Variants in NELL2 observed in about 807,000 individuals in gnomAD.
The protein encoded by NELL2 is neural EGFL like 2.
NELL2 carries 41 observed loss-of-function variants against 109.6 expected under a neutral mutation model. The ratio of observed to expected loss-of-function variants is 0.37; its 90% CI spans 0.29 to 0.49. NELL2 has a LOEUF of 0.49. NELL2 is among the 20% of genes least tolerant of loss of function. The pLI is 0.98. For synonymous variants in NELL2, 355 were observed against 344.7 expected (o/e 1.03, Z -0.33); for missense variants, 900 against 1,008.3 (o/e 0.89, Z 1.45).
chr12:44,812,655 G>A (rs1270748793), intron 3 of NELL2, among the ~76,000 whole-genome samples: 1 of 152,054 alleles, frequency 6.6e-6, no homozygotes, highest in African/African-American at 2.4e-5. Context: ...ACTAAAGAAA[G>A]ATAGCTTCAG....
At chr12:44,893,315 C>T (rs1424767198) in intron 1 of NELL2, among the ~76,000 whole-genome samples, 2 of 143,722 alleles carry the variant, frequency 1.4e-5, no homozygotes, top group Admixed American at 7.5e-5. Flanking sequence ...CCAATTTTCT[C>T]TATCAGATAT....
Position 44,886,108 on chromosome 12 carries a change from G to T in NELL2, c.39-10208C>A, listed in dbSNP as rs1433301504. Among the ~76,000 whole-genome samples, 4 of 143,658 alleles carry T rather than the reference G, an allele frequency of 2.8e-5. No individual in the cohort carries two copies. In the East Asian group the frequency reaches 8.1e-4, roughly 29 times the overall value. The allele number at this position is 143,658 out of a possible 152,430, so 94.2% of individuals were successfully genotyped here. ...GTAAGGAAGGAAGGAAGGAAGGAAG[G>T]AAGGAAGGAAGGAAGGAAGGAAGGA... On this transcript the variant is annotated intron_variant, in intron 1 of 20. Transcript: ENST00000333837.
intron 2 of NELL2, among the ~76,000 whole-genome samples, chr12:44,824,713 CTT>C (rs1159134863): frequency 7.5e-6 from 1 of 132,544 alleles, no homozygotes; most frequent in Middle Eastern, 3.4e-3. Flanking sequence ...ATTTTATTTA[CTT>C]TTTTTTTTTT....
At position 44,848,456 on chromosome 12, in the gene NELL2, C is replaced by A. The variant is rs987889100; in HGVS notation, c.184+26769G>T. On this transcript the variant is annotated intron_variant, in intron 2 of 19. Transcript: ENST00000429094. ...CAACCATAGACTTGAGCTACAAGTG[C>A]CAGCAGAACACACAGCAACAGGTGG... Among the ~76,000 whole-genome samples the A allele has an allele frequency of 3.9e-5, 6 of 152,102 alleles. No homozygotes were observed. The South Asian group carries it at 8.3e-4, about 21-fold the overall frequency.
At chr12:44,667,105 C>T (rs1947950434) in intron 12 of NELL2, among the ~76,000 whole-genome samples, 1 of 152,154 alleles carries the variant, frequency 6.6e-6, no homozygotes, top group South Asian at 2.1e-4. Context: ...ATAGATGCAT[C>T]AATTGTATTT....
rs539208632 is a variant in NELL2, at chr12:44,657,942, G to A, written c.1444+7542C>T. On this transcript the variant is annotated intron_variant, in intron 13 of 19. Transcript: ENST00000429094. Reference sequence around the variant, plus strand: ...GTGCATAGTGCTGCAATAAACATGCGTGTGCATGTGTCTTTATAGTAGAAT... The same window carrying A: ...GTGCATAGTGCTGCAATAAACATGCATGTGCATGTGTCTTTATAGTAGAAT... Among the ~76,000 whole-genome samples, 13 of 152,254 alleles carry A rather than the reference G, an allele frequency of 8.5e-5. No individual in the cohort carries two copies. In the South Asian group the frequency reaches 1.7e-3, roughly 19 times the overall value.
At chr12:44,753,205 T>C (rs572078790) in intron 9 of NELL2, among the ~76,000 whole-genome samples, 2 of 152,240 alleles carry the variant, frequency 1.3e-5, no homozygotes, top group East Asian at 3.9e-4. Context: ...CCCTACCTTA[T>C]CCTGATTGTT....
chr12:44,679,875 G>C (rs1001644445), intron 12 of NELL2, among the ~76,000 whole-genome samples: 1 of 152,084 alleles, frequency 6.6e-6, no homozygotes, highest in African/African-American at 2.4e-5. Context: ...TCTGGCCACA[G>C]GGATTCCATC....
chr12:44,548,695 C>T (rs1831513301), intron 15 of NELL2, among the ~76,000 whole-genome samples: 1 of 151,970 alleles, frequency 6.6e-6, no homozygotes, highest in East Asian at 1.9e-4. Context: ...GCAATATTTT[C>T]TTTCAGAATA....
chr12:44,902,745 A>G (rs1013063472), intron 1 of NELL2, among the ~76,000 whole-genome samples: 4 of 152,094 alleles, frequency 2.6e-5, no homozygotes, highest in African/African-American at 9.7e-5. Flanking sequence ...TAGAAATAAC[A>G]CCACACATCT....
At chr12:44,713,956 C>T (rs1938349819) in intron 10 of NELL2, among the ~76,000 whole-genome samples, 1 of 151,796 alleles carries the variant, frequency 6.6e-6, no homozygotes, top group African/African-American at 2.4e-5. Flanking sequence ...AAATGAAACC[C>T]TAAAGCAGAA....
chr12:44,670,754 C>T (rs185402486), intron 12 of NELL2, among the ~76,000 whole-genome samples: 27 of 151,876 alleles, frequency 1.8e-4, no homozygotes, highest in South Asian at 8.3e-4. Context: ...GAAGATACAA[C>T]AATTGTAATT....
At chr12:44,695,926 A>G (rs10880662) in intron 12 of NELL2, among the ~76,000 whole-genome samples, 35,733 of 151,994 alleles carry the variant, frequency 0.24, 4,938 homozygotes, top group African/African-American at 0.39. Flanking sequence ...TGAGGCTGCA[A>G]TGAGGCATGA....
intron 2 of NELL2, among the ~76,000 whole-genome samples, chr12:44,823,239 T>C (rs1341667566): frequency 1.3e-5 from 2 of 152,208 alleles, no homozygotes; most frequent in African/African-American, 4.8e-5. Flanking sequence ...TCACCTCACA[T>C]AGTTGGCATT....
intron 15 of NELL2, among the ~76,000 whole-genome samples, chr12:44,557,314 A>G (rs1748416697): frequency 6.6e-6 from 1 of 152,216 alleles, no homozygotes; most frequent in Non-Finnish European, 1.5e-5. Flanking sequence ...AAATAGAAAC[A>G]AAAAGCATCA....
At chr12:44,720,279 T>C (rs1261708284) in intron 9 of NELL2, among the ~76,000 whole-genome samples, 1 of 152,208 alleles carries the variant, frequency 6.6e-6, no homozygotes, top group East Asian at 1.9e-4. Flanking sequence ...CCCTGCATAA[T>C]ATACTCTCAA....
intron 15 of NELL2, among the ~76,000 whole-genome samples, chr12:44,561,717 T>C (rs942265849): frequency 3.3e-5 from 5 of 152,134 alleles, no homozygotes; most frequent in African/African-American, 1.2e-4. Flanking sequence ...ATAGGAAGAA[T>C]CAATATAGTG....
chr12:44,684,018 T>C (rs959384249), intron 12 of NELL2, among the ~76,000 whole-genome samples: 1 of 152,246 alleles, frequency 6.6e-6, no homozygotes, highest in Non-Finnish European at 1.5e-5. Flanking sequence ...CTTGTATCTC[T>C]GGTAGAATTC....
At chr12:44,791,093 A>ATACG (rs1175700056) in intron 3 of NELL2, among the ~76,000 whole-genome samples, 158 of 14,464 alleles carry the variant, frequency 0.011, 10 homozygotes, top group Middle Eastern at 0.028. Context: ...ATATATATAT[A>ATACG]TATGTATATA....
Sources: allele counts gnomAD v4.1 joint callset (sites outside exome capture counted in the v4.1 genomes callset), GRCh38; gene constraint gnomAD v4.1.1; transcripts MANE v1.5; gene names NCBI Gene and HGNC (gene_info 2026-07-23, HGNC 2026-07-21).